VIL1: variants seen among roughly 807,000 people sequenced by gnomAD.
VIL1 encodes villin-1.
In VIL1, 86 loss-of-function variants were observed where a neutral mutation model predicts 104.0. The ratio of observed to expected loss-of-function variants is 0.83; its 90% confidence interval spans 0.69 to 0.99. The LOEUF (loss-of-function observed/expected upper bound fraction) is 0.99, where lower values mean the gene tolerates loss of function less well. Ranked by LOEUF, VIL1 falls within the 50% of genes least tolerant of loss-of-function variation. The pLI, the probability that VIL1 is intolerant of heterozygous loss-of-function variation, is 0.00. For missense variants in VIL1, 944 were observed against 1,054.1 expected (o/e 0.90, Z 1.45); for synonymous variants, 394 against 412.6 (o/e 0.95, Z 0.55).
intron 19 of VIL1, among the ~76,000 whole-genome samples, chr2:218,442,036 T>G (rs1467846644): frequency 1.3e-5 from 2 of 151,998 alleles, no homozygotes; most frequent in Non-Finnish European, 2.9e-5. Context: ...AACAATAGCC[T>G]GGAAGGTGGC....
intron 19 of VIL1, among the ~76,000 whole-genome samples, chr2:218,442,319 T>A (rs1247134523): frequency 6.6e-6 from 1 of 152,134 alleles, no homozygotes; most frequent in East Asian, 1.9e-4. Flanking sequence ...AGATACATGT[T>A]CAGTGGGCAA....
At chr2:218,436,296 G>A (rs1689188758) in intron 15 of VIL1, among the ~76,000 whole-genome samples, 186 bp from the exon 16 acceptor site, 1 of 152,136 alleles carries the variant, frequency 6.6e-6, no homozygotes, top group Non-Finnish European at 1.5e-5. Context: ...TGTCCAGAAA[G>A]CAGTGACAAT....
chr2:218,452,029 T>C lies in VIL1; in HGVS notation c.*2693T>C, dbSNP rs1174040799. ...TAGGCTTAAATTATAGTCATGGCTA[T>C]TAAAGAAATTAACAGCATCCAGCCA... On this transcript the variant is annotated 3_prime_UTR_variant, in exon 20 of 20. Transcript: ENST00000248444. The C allele has an allele frequency of 6.6e-6, 1 of 152,600 alleles. No individual in the cohort carries two copies. The highest frequency in any genetic ancestry group is 1.5e-5 in the Non-Finnish European group (1 of 68,046). 9.5% of individuals were successfully genotyped at this position (152,600 alleles called of 1,614,324 possible). A position where few individuals can be genotyped will look rare whatever the true frequency, so the allele number is the denominator to read the frequency against.
intron 1 of VIL1, among the ~76,000 whole-genome samples, chr2:218,421,490 G>A (rs947787987): frequency 6.6e-6 from 1 of 152,204 alleles, no homozygotes; most frequent in African/African-American, 2.4e-5. Flanking sequence ...AGGGCTGGGG[G>A]AAGTGACGGG....
intron 12 of VIL1, chr2:218,432,396 TTGCCTTC>T: frequency 1.2e-6 from 1 of 802,832 alleles, no homozygotes; most frequent in Non-Finnish European, 2.1e-6. Flanking sequence ...CCAATTTTCA[TTGCCTTC>T]TGCACATTCT....
chr2:218,442,635 C>T (rs577159670), intron 19 of VIL1, among the ~76,000 whole-genome samples: 8 of 152,212 alleles, frequency 5.3e-5, no homozygotes, highest in Non-Finnish European at 8.8e-5. Context: ...AGCCTAAGAA[C>T]ACATTTCTAA....
chr2:218,451,371 C>T lies in VIL1; in HGVS notation c.*2035C>T, dbSNP rs1182316175. 6.6e-6 allele frequency: 1 copy of T among 152,150 alleles called. No homozygotes were observed. Among genetic ancestry groups the T allele is most frequent in the Non-Finnish European group, 1.5e-5 (1 of 68,034 alleles). 9.4% of individuals were successfully genotyped at this position (152,150 alleles called of 1,614,324 possible). ...GCCCCCTGTTTAAAACAAAAGACCA[C>T]CTCGGGGGGTCAATTAAATTAAAAA... On this transcript the variant is annotated 3_prime_UTR_variant, in exon 20 of 20. Transcript: ENST00000248444.
intron 1 of VIL1, among the ~76,000 whole-genome samples, chr2:218,421,692 G>A (rs1688901184): frequency 6.6e-6 from 1 of 152,132 alleles, no homozygotes; most frequent in Admixed American, 6.5e-5. Context: ...TGGCCTGTGG[G>A]GGCTGGCCCC....
rs991195793 is a variant in VIL1, at chr2:218,434,392, A to G, written c.1501-134A>G. On this transcript the variant is annotated intron_variant, in intron 13 of 19. Transcript: ENST00000248444. ...CTGTGATGCAAACAATGTTTTAGAA[A>G]GACCTGGTGACGGAGCATCAGAGGA... 3 of 840,066 alleles carry G rather than the reference A, an allele frequency of 3.6e-6. No homozygotes were observed. The South Asian group carries it at 5.6e-5, about 16-fold the overall frequency. The allele number at this position is 840,066 out of a possible 1,614,324, so 52.0% of individuals were successfully genotyped here.
At chr2:218,420,787 G>A (rs373993741) in intron 1 of VIL1, among the ~76,000 whole-genome samples, 4 of 151,986 alleles carry the variant, frequency 2.6e-5, no homozygotes, top group Admixed American at 6.6e-5. Flanking sequence ...GGGTTTCACC[G>A]TGTTAGCCAG....
At chr2:218,420,597 T>TG (rs1688886697) in intron 1 of VIL1, among the ~76,000 whole-genome samples, 1 of 150,384 alleles carries the variant, frequency 6.6e-6, no homozygotes. Flanking sequence ...TTTTTTGTTT[T>TG]TTTTTTGAGA....
At chr2:218,432,433 G>A in intron 12 of VIL1, 4 of 724,798 alleles carry the variant, frequency 5.5e-6, no homozygotes, top group Non-Finnish European at 7.3e-6. Flanking sequence ...CTCTGCCCAT[G>A]GGTTTTTGTG....
chr2:218,438,639 T>C lies in VIL1; in HGVS notation c.2161-19T>C, dbSNP rs375636096. 7 of 1,606,450 alleles carry C rather than the reference T, an allele frequency of 4.4e-6. No individual in the cohort carries two copies. The highest frequency in any genetic ancestry group is 2.2e-5 in the East Asian group (1 of 44,710). On this transcript the variant is annotated intron_variant, in intron 17 of 19. Transcript: ENST00000248444. The stretch of plus-strand genomic sequence containing the variant: ...TCTGCTGAGATCCAGGTCTAATCTG[T>C]TATTTACTTTATGTGCAGAACACCA...
chr2:218,431,075 A>C, intron 10 of VIL1, 197 bp downstream of exon 10: 1 of 714,574 alleles, frequency 1.4e-6, no homozygotes, highest in South Asian at 1.9e-5. Context: ...AGGGCTGGGC[A>C]TGGTGGCACA....
At chr2:218,448,377 C>T (rs1007836234) in intron 19 of VIL1, among the ~76,000 whole-genome samples, 1 of 152,022 alleles carries the variant, frequency 6.6e-6, no homozygotes, top group Non-Finnish European at 1.5e-5. Context: ...CCAGCCTGGC[C>T]AACAAGGCAA....
chr2:218,440,552 G>A (rs547549068), intron 18 of VIL1, among the ~76,000 whole-genome samples, 170 bp from the exon 19 acceptor site: 31 of 152,314 alleles, frequency 2.0e-4, no homozygotes, highest in Admixed American at 1.8e-3. Flanking sequence ...TTACAGGCGT[G>A]AGCCACTGCA....
chr2:218,436,341 C>A, intron 15 of VIL1, 141 bp from the exon 16 acceptor site: 1 of 1,123,010 alleles, frequency 8.9e-7, no homozygotes, highest in Non-Finnish European at 1.3e-6. Flanking sequence ...TGAGAGGGGA[C>A]CCTTTTATCA....
Position 218,432,140 on chromosome 2 carries a change from A to G in VIL1, c.1298A>G (p.Tyr433Cys), listed in dbSNP as rs773076911. The change falls in exon 12 of 20, where the codon TAC (tyrosine) becomes TGC (cysteine). Residue 433 changes from tyrosine to cysteine, a missense_variant. Tyr to Cys is a radical substitution (Grantham distance 194). Transcript: ENST00000248444. ...GGDCYLLLYT[Y>C]LIGEKQHYLL... ...GACTGCTACCTGCTGCTCTACACCT[A>G]CCTCATCGGCGAGAAGCAGCATTAC... The G allele has an allele frequency of 6.2e-7, 1 of 1,613,908 alleles. No homozygotes were observed. Among genetic ancestry groups the G allele is most frequent in the South Asian group, 1.1e-5 (1 of 91,070 alleles).
At chr2:218,423,052 C>T (rs1251263551) in intron 1 of VIL1, among the ~76,000 whole-genome samples, 1 of 152,206 alleles carries the variant, frequency 6.6e-6, no homozygotes. Context: ...TTCCGAAGCT[C>T]CCCAGCTGAG....
Sources: allele counts gnomAD v4.1 joint callset (sites outside exome capture counted in the v4.1 genomes callset), GRCh38; gene constraint gnomAD v4.1.1; transcripts MANE v1.5; gene names NCBI Gene and HGNC (gene_info 2026-07-23, HGNC 2026-07-21).